Variants in PLXNA4 observed in about 807,000 individuals in gnomAD.
PLXNA4 encodes the protein plexin A4, also known as plexin-A4.
A neutral mutation model predicts 191.8 loss-of-function variants in PLXNA4; 44 were observed. The observed-to-expected ratio is 0.23, with a 90% CI of 0.18 to 0.29. PLXNA4 has a LOEUF of 0.29. Ranked by LOEUF, PLXNA4 falls within the 10% of genes least tolerant of loss-of-function variation. The probability of loss-of-function intolerance (pLI) is 1.00; values close to 1 mark genes in which losing one functional copy is unlikely to be tolerated. For missense variants in PLXNA4, 1,800 were observed against 2,488.8 expected (o/e 0.72, Z 5.89); for synonymous variants, 1,082 against 1,009.5 (o/e 1.07, Z -1.36).
intron 2 of PLXNA4, among the ~76,000 whole-genome samples, chr7:132,602,632 T>A (rs1802841500): frequency 6.6e-6 from 1 of 152,076 alleles, no homozygotes; most frequent in Admixed American, 6.6e-5. Context: ...ACAAGGAAGG[T>A]TTGAGCTTGC....
chr7:132,435,604 A>T (rs1795441078), intron 3 of PLXNA4, among the ~76,000 whole-genome samples: 1 of 152,222 alleles, frequency 6.6e-6, no homozygotes, highest in Non-Finnish European at 1.5e-5. Context: ...GGAAGGAGTC[A>T]GAGATACAGC....
chr7:132,565,258 G>T (rs1343122931), intron 1 of PLXNA4, among the ~76,000 whole-genome samples: 1 of 152,200 alleles, frequency 6.6e-6, no homozygotes, highest in African/African-American at 2.4e-5. Context: ...CTGAGGCCTA[G>T]CCCAGAGAGG....
chr7:132,576,537 G>A, upstream of PLXNA4: 1 of 985,966 alleles, frequency 1.0e-6, no homozygotes, highest in Non-Finnish European at 1.2e-6. This position sits in a 1 kb window ranked among gnomAD's most constrained non-coding sequence, Gnocchi z 5.8. Flanking sequence ...GCGTGTGGCT[G>A]CCTCCTCCAG....
rs1796921520 is a variant in PLXNA4, at chr7:132,187,579, C to A, written c.2885G>T (p.Ser962Ile). 6.2e-7 allele frequency: 1 copy of A among 1,613,644 alleles called. No individual in the cohort carries two copies. ...MTLTLSDLKP[S>I]RGPMSGGTQV... ...GGTCCCTCCGGACATGGGCCCCCGGCTGGGCTTCAGATCTGAGAGAGTCAG... is the reference window on the plus strand; with the variant it reads ...GGTCCCTCCGGACATGGGCCCCCGGATGGGCTTCAGATCTGAGAGAGTCAG... The change falls in exon 15 of 32, where the codon AGC becomes ATC. Residue 962 changes from serine to isoleucine, a missense_variant. Physicochemically the swap from Ser to Ile is moderately radical, Grantham distance 142. Around this residue, in one of 6 missense-constraint regions of PLXNA4, gnomAD observed 1,397 missense variants for 1,880.4 expected, o/e 0.74. Transcript: ENST00000321063.
At chr7:132,513,156 G>A (rs943294902) in intron 1 of PLXNA4, among the ~76,000 whole-genome samples, 1 of 152,184 alleles carries the variant, frequency 6.6e-6, no homozygotes, top group East Asian at 1.9e-4. Context: ...AATTGGGGTT[G>A]TCTTTGTTTT....
At chr7:132,376,938 A>G (rs987171992) in intron 3 of PLXNA4, among the ~76,000 whole-genome samples, 2 of 152,210 alleles carry the variant, frequency 1.3e-5, no homozygotes, top group Non-Finnish European at 2.9e-5. Context: ...CACCTATGGC[A>G]ATGTTTGCTT....
intron 2 of PLXNA4, among the ~76,000 whole-genome samples, chr7:132,637,473 C>G (rs577798047): frequency 6.6e-6 from 1 of 152,198 alleles, no homozygotes; most frequent in African/African-American, 2.4e-5. Context: ...GAAGGCCACA[C>G]GACGTTCTCA....
At chr7:132,612,388 C>T (rs1017952190) in intron 2 of PLXNA4, among the ~76,000 whole-genome samples, 20 of 152,098 alleles carry the variant, frequency 1.3e-4, no homozygotes, top group South Asian at 4.1e-4. Flanking sequence ...TGGCCAGGCG[C>T]GGTGGCTCAT....
intron 25 of PLXNA4, 124 bp from the exon 26 acceptor site, chr7:132,148,770 A>T (rs945099926): frequency 3.6e-6 from 5 of 1,397,854 alleles, no homozygotes; most frequent in Non-Finnish European, 2.9e-6. Context: ...GTGCTAGCAC[A>T]TGCTCCTGCG....
intron 3 of PLXNA4, among the ~76,000 whole-genome samples, chr7:132,413,440 A>T (rs1484025213): frequency 6.6e-6 from 1 of 152,160 alleles, no homozygotes; most frequent in Non-Finnish European, 1.5e-5. Flanking sequence ...TTATTCCACC[A>T]TGTGGCTGCT....
At chr7:132,133,748 G>T (rs1313894843) in intron 30 of PLXNA4, among the ~76,000 whole-genome samples, 1 of 152,172 alleles carries the variant, frequency 6.6e-6, no homozygotes, top group African/African-American at 2.4e-5. Flanking sequence ...TTAAGTAGAT[G>T]CCAGCATTTA....
At chr7:132,454,861 T>C (rs1796256485) in intron 3 of PLXNA4, among the ~76,000 whole-genome samples, 1 of 152,134 alleles carries the variant, frequency 6.6e-6, no homozygotes, top group Non-Finnish European at 1.5e-5. Context: ...AAGGAATAAA[T>C]GTGGGAGCCA....
chr7:132,231,076 A>C (rs1360149005), intron 5 of PLXNA4, among the ~76,000 whole-genome samples: 1 of 152,196 alleles, frequency 6.6e-6, no homozygotes, highest in Non-Finnish European at 1.5e-5. Context: ...GAAACTACTC[A>C]TCATCTTCCC....
intron 3 of PLXNA4, among the ~76,000 whole-genome samples, chr7:132,345,480 T>G (rs2116770329): frequency 6.6e-6 from 1 of 152,336 alleles, no homozygotes; most frequent in South Asian, 2.1e-4. Context: ...CATCCACAAT[T>G]ACAACAACTA....
intron 25 of PLXNA4, among the ~76,000 whole-genome samples, chr7:132,151,425 AGGAGGAAGG>A (rs1409617830): frequency 2.2e-5 from 2 of 91,092 alleles, no homozygotes; most frequent in African/African-American, 9.0e-5. Context: ...GAGGAGGAGG[AGGAGGAAGG>A]AGGAGGAGGA....
chr7:132,266,680 A>T (rs573981390), intron 4 of PLXNA4, among the ~76,000 whole-genome samples: 1 of 152,346 alleles, frequency 6.6e-6, no homozygotes, highest in African/African-American at 2.4e-5. Flanking sequence ...GGGCTTGAGA[A>T]CTTGGGTGGT....
chr7:132,226,980 C>A (rs1026192), intron 7 of PLXNA4, among the ~76,000 whole-genome samples: 19,940 of 152,252 alleles, frequency 0.13, 1,381 homozygotes, highest in Middle Eastern at 0.16. Flanking sequence ...CCTGTCTTTC[C>A]CAGGGCAGCT....
intron 4 of PLXNA4, among the ~76,000 whole-genome samples, chr7:132,259,190 T>G (rs62465024): frequency 0.11 from 17,396 of 151,958 alleles, 1,289 homozygotes; most frequent in Non-Finnish European, 0.16. Context: ...AAAGCTTGGA[T>G]GGACCCTCCA....
At chr7:132,181,706 C>A in intron 17 of PLXNA4, 86 bp from the exon 18 acceptor site, 1 of 1,542,052 alleles carries the variant, frequency 6.5e-7, no homozygotes, top group African/African-American at 1.4e-5. Flanking sequence ...CCCTGGATGT[C>A]ATCGGGATAG....
Sources: gnomAD v4.1 joint callset for allele counts (sites outside exome capture counted in the v4.1 genomes callset) on GRCh38, gnomAD v4.1.1 for gene constraint, gnomAD v4.1.1 regional missense constraint, Gnocchi (gnomAD v3.1) non-coding constraint, MANE v1.5 for transcripts, NCBI Gene and HGNC (gene_info 2026-07-23, HGNC 2026-07-21) for gene names.